Variants in RPTOR observed in about 807,000 individuals in gnomAD.
The protein encoded by RPTOR is regulatory associated protein of MTOR complex 1.
In RPTOR, 21 loss-of-function variants were observed where a neutral mutation model predicts 169.9. That is an observed-to-expected ratio of 0.12 (90% CI 0.09 to 0.18). The LOEUF (loss-of-function observed/expected upper bound fraction) is 0.18. Ranked by LOEUF, RPTOR falls within the 10% of genes least tolerant of loss-of-function variation. The pLI is 1.00. For missense variants in RPTOR, 1,133 were observed against 1,855.9 expected, an observed-to-expected ratio of 0.61 and a Z score of 7.16; for synonymous variants, 732 against 753.2, an observed-to-expected ratio of 0.97 and a Z score of 0.46.
At chr17:80,792,639 A>G (rs1227454897) in intron 7 of RPTOR, among the ~76,000 whole-genome samples, 2 of 152,144 alleles carry the variant, frequency 1.3e-5, no homozygotes, top group Non-Finnish European at 1.5e-5. Flanking sequence ...TCCAAAGGCT[A>G]AACAGATAGT....
In RPTOR at chr17:80,873,108, AC is replaced by A. The variant is rs201987756; in HGVS notation, c.1510-7305del. ...GTATTAGAATTTGGATGAGAAAGGC[AC>A]CACAGTTTTGACCTGAGGTCAAGGC... On this transcript the variant is annotated intron_variant, in intron 13 of 33. Transcript: ENST00000306801. Among the ~76,000 whole-genome samples the A allele has an allele frequency of 2.9e-3, 384 of 130,746 alleles. 1 individual carries two copies. Among genetic ancestry groups the A allele is most frequent in the African/African-American group, 0.013 (368 of 27,678 alleles). 85.8% of individuals were successfully genotyped at this position (130,746 alleles called of 152,430 possible).
intron 1 of RPTOR, among the ~76,000 whole-genome samples, chr17:80,548,861 C>T (rs1179159508): frequency 6.6e-6 from 1 of 152,218 alleles, no homozygotes; most frequent in African/African-American, 2.4e-5. Context: ...TGGCCACTGA[C>T]TGTCCTAAAT....
At chr17:80,745,073 C>T (rs1412260062) in intron 5 of RPTOR, among the ~76,000 whole-genome samples, 4 of 152,204 alleles carry the variant, frequency 2.6e-5, no homozygotes, top group African/African-American at 9.7e-5. Context: ...AGCTCTTTCT[C>T]CCCCTCCTGC....
At chr17:80,856,379 G>C (rs946679184) in intron 12 of RPTOR, among the ~76,000 whole-genome samples, 1 of 152,222 alleles carries the variant, frequency 6.6e-6, no homozygotes, top group African/African-American at 2.4e-5. Flanking sequence ...AATTTACTGT[G>C]CTTGGGAGCG....
intron 6 of RPTOR, among the ~76,000 whole-genome samples, chr17:80,788,915 G>A (rs766185821): frequency 3.9e-5 from 6 of 152,146 alleles, no homozygotes; most frequent in African/African-American, 4.8e-5. Context: ...GAAAGAAATC[G>A]TATAAAATGT....
intron 21 of RPTOR, among the ~76,000 whole-genome samples, chr17:80,916,488 G>A (rs1245453718): frequency 1.3e-5 from 2 of 152,212 alleles, no homozygotes; most frequent in African/African-American, 2.4e-5. Flanking sequence ...ACCACTCTGC[G>A]CCTGGCTTGC....
intron 20 of RPTOR, among the ~76,000 whole-genome samples, chr17:80,903,520 G>A (rs186329884): frequency 5.3e-5 from 8 of 152,328 alleles, no homozygotes; most frequent in East Asian, 1.9e-4. Flanking sequence ...TTCACAGGAC[G>A]GGCCATAGCA....
At chr17:80,705,294 A>G (rs1353101847) in intron 3 of RPTOR, among the ~76,000 whole-genome samples, 1 of 152,246 alleles carries the variant, frequency 6.6e-6, no homozygotes, top group Non-Finnish European at 1.5e-5. Context: ...GCGAGGAGAC[A>G]CTGAGAGGGG....
At chr17:80,773,232 C>T (rs2066861995) in intron 6 of RPTOR, among the ~76,000 whole-genome samples, 1 of 152,172 alleles carries the variant, frequency 6.6e-6, no homozygotes, top group Non-Finnish European at 1.5e-5. Context: ...GGATGTTGTC[C>T]CTTCACCTGC....
At chr17:80,749,592 G>A (rs565810271) in intron 5 of RPTOR, among the ~76,000 whole-genome samples, 23 of 152,154 alleles carry the variant, frequency 1.5e-4, no homozygotes, top group Admixed American at 8.5e-4. Context: ...TGGATGGAGG[G>A]GCTGCGGTGT....
chr17:80,699,166 G>A (rs186045158), intron 3 of RPTOR, among the ~76,000 whole-genome samples: 1 of 152,348 alleles, frequency 6.6e-6, no homozygotes, highest in African/African-American at 2.4e-5. Context: ...TGATAAAACA[G>A]CTTTCTCTGG....
At chr17:80,590,671 C>T (rs1402655410) in intron 1 of RPTOR, among the ~76,000 whole-genome samples, 1 of 152,186 alleles carries the variant, frequency 6.6e-6, no homozygotes, top group Non-Finnish European at 1.5e-5. Flanking sequence ...GTTGGGGCTG[C>T]CTTGCATTTC....
chr17:80,918,149 C>T (rs2068696475), intron 21 of RPTOR, among the ~76,000 whole-genome samples: 3 of 152,236 alleles, frequency 2.0e-5, no homozygotes, highest in South Asian at 4.1e-4. Context: ...CACTGCAGAC[C>T]TGGGGAACGA....
chr17:80,827,391 G>T (rs542257049), intron 9 of RPTOR, among the ~76,000 whole-genome samples: 117 of 152,308 alleles, frequency 7.7e-4, no homozygotes, highest in African/African-American at 2.6e-3. Context: ...TCTGTGCAGG[G>T]TCCCATCAGG....
intron 6 of RPTOR, among the ~76,000 whole-genome samples, chr17:80,757,816 A>C (rs2066696012): frequency 6.6e-6 from 1 of 151,638 alleles, no homozygotes; most frequent in African/African-American, 2.4e-5. Flanking sequence ...GTCCTTTCCC[A>C]CGGCCTCCTA....
chr17:80,914,441 C>T (rs559664418), intron 21 of RPTOR, among the ~76,000 whole-genome samples: 1 of 152,336 alleles, frequency 6.6e-6, no homozygotes, highest in East Asian at 1.9e-4. Context: ...CAGGAGCGGG[C>T]AGGAGCTCCA....
intron 5 of RPTOR, among the ~76,000 whole-genome samples, chr17:80,742,448 T>TACAC (rs10558917): frequency 6.6e-6 from 1 of 150,826 alleles, no homozygotes; most frequent in East Asian, 1.9e-4. Flanking sequence ...GAGGAGCAGG[T>TACAC]ACACACACAC....
chr17:80,665,686 A>G (rs2065773214), intron 3 of RPTOR, among the ~76,000 whole-genome samples: 1 of 151,320 alleles, frequency 6.6e-6, no homozygotes. Context: ...CTGGGACTAC[A>G]GGCGCCCGCC....
chr17:80,939,303 C>T (rs184513464), intron 24 of RPTOR, among the ~76,000 whole-genome samples: 3 of 152,340 alleles, frequency 2.0e-5, no homozygotes, highest in Admixed American at 2.0e-4. Flanking sequence ...GTGTGGACCT[C>T]TCCTAGACGC....
Sources: gnomAD v4.1 joint callset for allele counts (sites outside exome capture counted in the v4.1 genomes callset) on GRCh38, gnomAD v4.1.1 for gene constraint, MANE v1.5 for transcripts, NCBI Gene and HGNC (gene_info 2026-07-23, HGNC 2026-07-21) for gene names.